Variants in TNR observed in about 807,000 individuals in gnomAD.
The protein encoded by TNR is tenascin R.
Under a neutral mutation model 150.4 loss-of-function variants are expected in TNR, and 45 were observed. The observed-to-expected ratio is 0.30, with a 90% CI of 0.24 to 0.38. The LOEUF (loss-of-function observed/expected upper bound fraction) is 0.38. TNR is among the 10% of genes least tolerant of loss of function. The pLI is 1.00. For missense variants in TNR, 1,544 were observed against 1,759.1 expected (o/e 0.88, Z 2.19); for synonymous variants, 687 against 678.4 (o/e 1.01, Z -0.20).
At chr1:175,573,490 A>G (rs1417634018) in intron 1 of TNR, among the ~76,000 whole-genome samples, 6 of 152,238 alleles carry the variant, frequency 3.9e-5, no homozygotes, top group African/African-American at 1.4e-4. Context: ...ACTGGAGAGT[A>G]GCTTGTCACA....
At chr1:175,699,803 A>G (rs912089077) in intron 1 of TNR, among the ~76,000 whole-genome samples, 1 of 152,080 alleles carries the variant, frequency 6.6e-6, no homozygotes, top group Non-Finnish European at 1.5e-5. Flanking sequence ...GCCCAGGATC[A>G]TCTTCCCTGA....
intron 2 of TNR, among the ~76,000 whole-genome samples, chr1:175,470,909 C>G (rs1271580063): frequency 6.6e-6 from 1 of 152,028 alleles, no homozygotes; most frequent in Non-Finnish European, 1.5e-5. Context: ...AACTCGATGA[C>G]CACTGGCCAA....
At chr1:175,550,639 C>T (rs1268958557) in intron 1 of TNR, among the ~76,000 whole-genome samples, 1 of 152,000 alleles carries the variant, frequency 6.6e-6, no homozygotes, top group Non-Finnish European at 1.5e-5. Context: ...GATATGCACA[C>T]AGCATATAAT....
At chr1:175,588,735 G>C (rs1558023924) in intron 1 of TNR, among the ~76,000 whole-genome samples, 1 of 152,124 alleles carries the variant, frequency 6.6e-6, no homozygotes, top group Non-Finnish European at 1.5e-5. Flanking sequence ...TACTGTTATA[G>C]ATAACCCTCT....
intron 1 of TNR, among the ~76,000 whole-genome samples, chr1:175,676,093 C>T (rs1351027550): frequency 6.6e-6 from 1 of 152,160 alleles, no homozygotes; most frequent in Non-Finnish European, 1.5e-5. Context: ...AGGCACTGCA[C>T]TGAGCTTTAC....
At chr1:175,559,967 G>A (rs1661357171) in intron 1 of TNR, among the ~76,000 whole-genome samples, 1 of 152,248 alleles carries the variant, frequency 6.6e-6, no homozygotes, top group Non-Finnish European at 1.5e-5. Flanking sequence ...CCAGGGAAAT[G>A]AGATGATTGC....
intron 1 of TNR, among the ~76,000 whole-genome samples, chr1:175,573,983 C>T (rs561389656): frequency 6.6e-6 from 1 of 152,164 alleles, no homozygotes; most frequent in Non-Finnish European, 1.5e-5. Flanking sequence ...GGATGGTTGG[C>T]CAAGGGGGCC....
At chr1:175,437,328 A>G (rs980672763) in intron 2 of TNR, among the ~76,000 whole-genome samples, 11 of 152,222 alleles carry the variant, frequency 7.2e-5, no homozygotes, top group African/African-American at 2.7e-4. Flanking sequence ...TTTGAAACCA[A>G]TGAGAACAAA....
chr1:175,664,041 CCTCA>C (rs1665460051), intron 1 of TNR, among the ~76,000 whole-genome samples: 1 of 152,194 alleles, frequency 6.6e-6, no homozygotes, highest in East Asian at 1.9e-4. Flanking sequence ...AGAGTCTGGA[CCTCA>C]CTGCAGGGAG....
At chr1:175,423,651 G>T (rs1201064340) in intron 2 of TNR, among the ~76,000 whole-genome samples, 2 of 152,186 alleles carry the variant, frequency 1.3e-5, no homozygotes, top group East Asian at 3.8e-4. Flanking sequence ...GGGATTCAGG[G>T]GTTGGAACAA....
Position 175,318,711 on chromosome 1 carries a change from A to C in TNR, c.*4646T>G, listed in dbSNP as rs1648910411. Reference sequence around the variant, plus strand: ...GAACAACCCCAGGGGCCAGCCTGTAACTCAGCTTTCTTTAGAGGATAGACC... The same window carrying C: ...GAACAACCCCAGGGGCCAGCCTGTACCTCAGCTTTCTTTAGAGGATAGACC... On this transcript the variant is annotated 3_prime_UTR_variant, in exon 23 of 23. Coordinates refer to ENST00000367674, the MANE Select transcript of TNR (RefSeq NM_003285.3). 1 of 152,214 alleles carries C rather than the reference A, an allele frequency of 6.6e-6. No homozygotes were observed. The highest frequency in any genetic ancestry group is 2.1e-4 in the South Asian group (1 of 4,832). 9.4% of individuals were successfully genotyped at this position (152,214 alleles called of 1,614,324 possible). A position where few individuals can be genotyped will look rare whatever the true frequency, so the allele number is the denominator to read the frequency against.
chr1:175,446,868 T>A (rs1366936511), intron 2 of TNR, among the ~76,000 whole-genome samples: 1 of 152,164 alleles, frequency 6.6e-6, no homozygotes, highest in Admixed American at 6.5e-5. Flanking sequence ...TGTTCATGTG[T>A]CTGTACATGT....
chr1:175,488,282 T>C (rs1658098553), intron 2 of TNR, among the ~76,000 whole-genome samples: 1 of 152,082 alleles, frequency 6.6e-6, no homozygotes, highest in South Asian at 2.1e-4. Flanking sequence ...AACAAAGAAG[T>C]TTTTATATGA....
At chr1:175,667,806 C>T (rs986989211) in intron 1 of TNR, among the ~76,000 whole-genome samples, 5 of 152,174 alleles carry the variant, frequency 3.3e-5, no homozygotes, top group African/African-American at 1.2e-4. Flanking sequence ...GTCAGATACA[C>T]TTTTCTTGTA....
intron 1 of TNR, among the ~76,000 whole-genome samples, chr1:175,662,335 T>C (rs1204145235): frequency 6.6e-6 from 1 of 152,054 alleles, no homozygotes; most frequent in Admixed American, 6.6e-5. Flanking sequence ...CCACCGTGAG[T>C]CCTGCCTCTT....
chr1:175,340,438 G>C (rs1650467206), intron 18 of TNR, among the ~76,000 whole-genome samples: 1 of 152,212 alleles, frequency 6.6e-6, no homozygotes, highest in Non-Finnish European at 1.5e-5. Flanking sequence ...TCGGAACTTG[G>C]AGAAGACCTC....
At chr1:175,431,911 A>ATCTC (rs545138749) in intron 2 of TNR, among the ~76,000 whole-genome samples, 13 of 136,470 alleles carry the variant, frequency 9.5e-5, no homozygotes, top group African/African-American at 1.5e-4. Flanking sequence ...GGACCATAAT[A>ATCTC]TCTCTCTCTC....
intron 2 of TNR, among the ~76,000 whole-genome samples, chr1:175,462,985 CTG>C (rs1656883875): frequency 6.6e-6 from 1 of 152,168 alleles, no homozygotes; most frequent in African/African-American, 2.4e-5. Context: ...GTTTTAGAAA[CTG>C]TTTCTGTAGA....
At chr1:175,383,040 C>T (rs534714250) in intron 8 of TNR, among the ~76,000 whole-genome samples, 8 of 152,234 alleles carry the variant, frequency 5.3e-5, no homozygotes, top group African/African-American at 1.9e-4. Context: ...TGATCTTTGG[C>T]GTTTCTTGGC....
Sources: allele counts gnomAD v4.1 joint callset (sites outside exome capture counted in the v4.1 genomes callset), GRCh38; gene constraint gnomAD v4.1.1; transcripts MANE v1.5; gene names NCBI Gene and HGNC (gene_info 2026-07-23, HGNC 2026-07-21).